Variants in NCOA3 observed in about 807,000 individuals in gnomAD.
NCOA3 encodes CBP-interacting protein.
A neutral mutation model predicts 158.8 loss-of-function variants in NCOA3; 51 were observed. That is an observed-to-expected ratio of 0.32 (90% confidence interval 0.26 to 0.41). The LOEUF is 0.41. Ranked by LOEUF, NCOA3 falls within the 10% of genes least tolerant of loss-of-function variation. The pLI is 1.00. For missense variants in NCOA3, 1,510 were observed against 1,746.6 expected (o/e 0.86, Z 2.41); for synonymous variants, 537 against 592.4 (o/e 0.91, Z 1.36).
intron 21 of NCOA3, 117 bp from the exon 22 acceptor site, chr20:47,652,814 C>CTAACATTCCCAGCTTAAG (rs1452146136): frequency 1.6e-5 from 20 of 1,267,508 alleles, no homozygotes; most frequent in Non-Finnish European, 2.2e-5. Context: ...GGAGTTTTCT[C>CTAACATTCCCAGCTTAAG]TAACATTCCC....
At chr20:47,510,036 G>A (rs987436284) in intron 1 of NCOA3, among the ~76,000 whole-genome samples, 2 of 152,186 alleles carry the variant, frequency 1.3e-5, no homozygotes, top group Non-Finnish European at 2.9e-5. Flanking sequence ...TGGAGGGTCA[G>A]TGATATCTTT....
chr20:47,561,382 C>A (rs1276956643), intron 1 of NCOA3, among the ~76,000 whole-genome samples: 1 of 150,414 alleles, frequency 6.6e-6, no homozygotes, highest in Non-Finnish European at 1.5e-5. Context: ...CTCACTGCAG[C>A]TTCAAATTCC....
At chr20:47,512,569 TAAAAAAA>T (rs762228515) in intron 1 of NCOA3, among the ~76,000 whole-genome samples, 1 of 84,778 alleles carries the variant, frequency 1.2e-5, no homozygotes, top group Non-Finnish European at 2.3e-5. Context: ...TCTGTCTCAC[TAAAAAAA>T]AAAAAAAAAA....
intron 8 of NCOA3, chr20:47,630,204 C>T (rs1236182519): frequency 6.6e-6 from 1 of 152,120 alleles, no homozygotes; most frequent in Non-Finnish European, 1.5e-5. Context: ...TGCGTTTATC[C>T]CTTTTCCCTA....
chr20:47,505,003 GT>G (rs1166777115), intron 1 of NCOA3, among the ~76,000 whole-genome samples: 4 of 28,548 alleles, frequency 1.4e-4, no homozygotes, highest in East Asian at 1.4e-3. Flanking sequence ...TGGGTTTTTG[GT>G]TTTTTTTTTT....
At chr20:47,521,568 T>C (rs1039354988) in intron 1 of NCOA3, among the ~76,000 whole-genome samples, 22 of 151,982 alleles carry the variant, frequency 1.4e-4, no homozygotes, top group Non-Finnish European at 2.5e-4. Flanking sequence ...GGGTGAGTGG[T>C]TTGGCGGGAA....
intron 1 of NCOA3, among the ~76,000 whole-genome samples, chr20:47,506,483 C>T (rs2084033434): frequency 6.6e-6 from 1 of 152,096 alleles, no homozygotes; most frequent in East Asian, 1.9e-4. Context: ...CCGATTTATC[C>T]ACAAACTGGA....
chr20:47,524,831 C>T (rs1430167248), intron 1 of NCOA3, among the ~76,000 whole-genome samples: 2 of 152,196 alleles, frequency 1.3e-5, no homozygotes, highest in Admixed American at 1.3e-4. Context: ...CAACCTCTGC[C>T]TCATTCTCCT....
chr20:47,539,956 A>C (rs1189849662), intron 1 of NCOA3, among the ~76,000 whole-genome samples: 2 of 152,248 alleles, frequency 1.3e-5, no homozygotes, highest in Non-Finnish European at 2.9e-5. Context: ...AAGGGATACT[A>C]GTTTTACATA....
chr20:47,642,051 C>A (rs1461928270), intron 16 of NCOA3, among the ~76,000 whole-genome samples, 162 bp from the exon 17 acceptor site: 1 of 151,872 alleles, frequency 6.6e-6, no homozygotes, highest in Non-Finnish European at 1.5e-5. Flanking sequence ...GGGCCTTAAA[C>A]TTAAATTGAT....
intron 2 of NCOA3, among the ~76,000 whole-genome samples, chr20:47,608,640 C>CAAA (rs148545557): frequency 5.1e-5 from 5 of 98,646 alleles, no homozygotes; most frequent in African/African-American, 1.5e-4. Flanking sequence ...ACCCTGTCTC[C>CAAA]AAAAAAAAAA....
intron 19 of NCOA3, among the ~76,000 whole-genome samples, chr20:47,650,624 G>C (rs917247930): frequency 6.6e-6 from 1 of 151,892 alleles, no homozygotes; most frequent in Non-Finnish European, 1.5e-5. Context: ...AGCACTTCGG[G>C]AGGCCGAGGT....
At chr20:47,606,768 T>C (rs866368414) in intron 2 of NCOA3, among the ~76,000 whole-genome samples, 3 of 152,356 alleles carry the variant, frequency 2.0e-5, no homozygotes, top group African/African-American at 7.2e-5. Context: ...CCATGGCTAT[T>C]GAGTCTTGGT....
intron 1 of NCOA3, among the ~76,000 whole-genome samples, chr20:47,522,134 T>C (rs1395224857): frequency 7.2e-6 from 1 of 139,296 alleles, no homozygotes; most frequent in African/African-American, 2.8e-5. Context: ...AGACGGAGTC[T>C]TGCTGTCTCC....
chr20:47,521,308 C>T (rs1051218126), intron 1 of NCOA3, among the ~76,000 whole-genome samples: 22 of 152,216 alleles, frequency 1.4e-4, no homozygotes, highest in Non-Finnish European at 2.8e-4. Flanking sequence ...TATAAAGTTT[C>T]GGTGCCACAA....
chr20:47,526,736 CAGAGGGAGACCGTGGAAAGAGAGGG>C (rs1428420995), intron 1 of NCOA3, among the ~76,000 whole-genome samples: 24 of 152,180 alleles, frequency 1.6e-4, no homozygotes, highest in South Asian at 2.1e-4. Context: ...GGCTCGGCAT[CAGAGGGAGACCGTGGAAAGAGAGGG>C]AGAGGGAGAC....
chr20:47,594,094 A>G (rs1362449256), intron 2 of NCOA3, among the ~76,000 whole-genome samples: 1 of 152,180 alleles, frequency 6.6e-6, no homozygotes, highest in East Asian at 1.9e-4. Context: ...ATGTATAAAA[A>G]TCAACATTTG....
chr20:47,638,912 A>T (rs930895052), intron 13 of NCOA3, 96 bp from the exon 14 acceptor site: 1 of 979,218 alleles, frequency 1.0e-6, no homozygotes. Flanking sequence ...TGTAAGAAAG[A>T]CATTCTTGGG....
chr20:47,619,917 T>C (rs1311879247), intron 2 of NCOA3, among the ~76,000 whole-genome samples: 1 of 151,838 alleles, frequency 6.6e-6, no homozygotes, highest in Non-Finnish European at 1.5e-5. Flanking sequence ...TGCCTCAGCC[T>C]CCCAAGTAGC....
Sources: gnomAD v4.1 joint callset for allele counts (sites outside exome capture counted in the v4.1 genomes callset) on GRCh38, gnomAD v4.1.1 for gene constraint, MANE v1.5 for transcripts, NCBI Gene and HGNC (gene_info 2026-07-23, HGNC 2026-07-21) for gene names.